MSRA: variants seen among roughly 807,000 people sequenced by gnomAD.
MSRA encodes methionine sulfoxide reductase A, also known as mitochondrial peptide methionine sulfoxide reductase.
MSRA carries 54 observed loss-of-function variants against 31.3 expected under a neutral mutation model. The observed-to-expected ratio is 1.73, with a 90% confidence interval of 1.39 to 2.17. MSRA has a LOEUF of 2.17. Among genes scored for constraint, MSRA ranks in the 30% most tolerant of loss-of-function variants. The probability of loss-of-function intolerance (pLI) is 0.00; values close to 1 mark genes in which losing one functional copy is unlikely to be tolerated. For missense variants in MSRA, 507 were observed against 300.9 expected (o/e 1.69, Z -5.07); for synonymous variants, 169 against 116.5 (o/e 1.45, Z -2.90).
At chr8:10,208,911 A>G (rs941583971) in intron 2 of MSRA, among the ~76,000 whole-genome samples, 1 of 152,236 alleles carries the variant, frequency 6.6e-6, no homozygotes, top group Non-Finnish European at 1.5e-5. Context: ...TAGCCTCAGA[A>G]CAACCTGGTC....
chr8:10,235,581 G>C (rs1811869556), intron 2 of MSRA, among the ~76,000 whole-genome samples: 1 of 152,008 alleles, frequency 6.6e-6, no homozygotes, highest in South Asian at 2.1e-4. Flanking sequence ...TGATAAAGAG[G>C]ATCAGTGAAA....
chr8:10,208,398 AT>A (rs1220960526), intron 2 of MSRA, among the ~76,000 whole-genome samples: 1 of 152,184 alleles, frequency 6.6e-6, no homozygotes, highest in Non-Finnish European at 1.5e-5. Context: ...CCTGAGTGAT[AT>A]ACTTAAAATG....
At chr8:10,128,419 C>T (rs567536235) in intron 1 of MSRA, among the ~76,000 whole-genome samples, 18 of 152,164 alleles carry the variant, frequency 1.2e-4, no homozygotes, top group Admixed American at 7.9e-4. Flanking sequence ...CAGTGATGAT[C>T]AGATGTGAAC....
At position 10,372,988 on chromosome 8, in the gene MSRA, C is replaced by T. The variant is rs572790437; in HGVS notation, c.543+52999C>T. ...AATTGCAACCTCCGCCTCTGAGGTT[C>T]AAGAGATTCTCCTGCCTCAGCCTCC... On this transcript the variant is annotated intron_variant, in intron 5 of 5. Transcript: ENST00000317173. 2.0e-5 allele frequency among the ~76,000 whole-genome samples: 3 copies of T among 152,328 alleles called. No individual in the cohort carries two copies. In the South Asian group the frequency reaches 6.2e-4, roughly 32 times the overall value.
At chr8:10,315,031 C>T (rs1801632966) in intron 4 of MSRA, among the ~76,000 whole-genome samples, 1 of 152,126 alleles carries the variant, frequency 6.6e-6, no homozygotes, top group African/African-American at 2.4e-5. Context: ...GAAGGAGGAG[C>T]AAAGGCACAT....
chr8:10,383,261 T>C (rs1170913783), intron 5 of MSRA, among the ~76,000 whole-genome samples: 2 of 152,134 alleles, frequency 1.3e-5, no homozygotes, highest in Admixed American at 6.5e-5. Context: ...TCACAGGTGG[T>C]GGCAGGAGAG....
At chr8:10,117,707 C>G (rs142989282) in intron 1 of MSRA, among the ~76,000 whole-genome samples, 5 of 152,246 alleles carry the variant, frequency 3.3e-5, no homozygotes, top group Non-Finnish European at 5.9e-5. Flanking sequence ...ATTTCAGGGT[C>G]TTTTTGATAG....
intron 3 of MSRA, among the ~76,000 whole-genome samples, chr8:10,270,118 A>G (rs1179151067): frequency 6.6e-6 from 1 of 152,258 alleles, no homozygotes; most frequent in Non-Finnish European, 1.5e-5. Flanking sequence ...TATGAACTGA[A>G]AAACTTGAGT....
intron 1 of MSRA, among the ~76,000 whole-genome samples, chr8:10,098,730 T>A (rs558722092): frequency 6.6e-6 from 1 of 152,332 alleles, no homozygotes; most frequent in Non-Finnish European, 1.5e-5. Flanking sequence ...ACTATTTTGG[T>A]TGTTACATTT....
chr8:10,064,978 G>C (rs1797388171), intron 1 of MSRA, among the ~76,000 whole-genome samples: 1 of 152,164 alleles, frequency 6.6e-6, no homozygotes, highest in Non-Finnish European at 1.5e-5. Context: ...AACCGCGTAA[G>C]AGTTTGCAGA....
intron 3 of MSRA, among the ~76,000 whole-genome samples, chr8:10,286,433 G>A (rs2009619): frequency 0.24 from 35,918 of 152,058 alleles, 4,321 homozygotes; most frequent in Middle Eastern, 0.29. Context: ...TGCTGCCGCC[G>A]CCATCCATGT....
intron 1 of MSRA, among the ~76,000 whole-genome samples, chr8:10,119,163 T>C (rs1183218835): frequency 6.6e-6 from 1 of 152,254 alleles, no homozygotes; most frequent in African/African-American, 2.4e-5. Context: ...AAGAACTCTC[T>C]AAACATGTGA....
chr8:10,416,328 C>A (rs1336630744), intron 5 of MSRA, among the ~76,000 whole-genome samples: 1 of 152,242 alleles, frequency 6.6e-6, no homozygotes, highest in African/African-American at 2.4e-5. Context: ...AATCTGCTCG[C>A]TTCGGCTGAA....
At chr8:10,142,429 C>T (rs1802796957) in intron 1 of MSRA, among the ~76,000 whole-genome samples, 1 of 152,190 alleles carries the variant, frequency 6.6e-6, no homozygotes, top group Admixed American at 6.5e-5. Flanking sequence ...GCTTCTAAAT[C>T]CGTGTTCTGT....
rs923465920 is a variant in MSRA at position 10,132,291 on chromosome 8, C to G, written c.143-75542C>G. Among the ~76,000 whole-genome samples the G allele has an allele frequency of 3.9e-5, 6 of 152,324 alleles. No individual in the cohort carries two copies. The East Asian group carries it at 1.2e-3, about 29-fold the overall frequency. ...TTAGCAATGTTAGATTCTTGCTCCA[C>G]TGCAGCTCTGCCTGGCCACTCTCTG... On this transcript the variant is annotated intron_variant, in intron 1 of 5. Coordinates refer to ENST00000317173, the MANE Select transcript of MSRA (RefSeq NM_012331.5).
chr8:10,289,958 T>C (rs1251456574), intron 3 of MSRA, among the ~76,000 whole-genome samples: 3 of 152,252 alleles, frequency 2.0e-5, no homozygotes, highest in Admixed American at 2.0e-4. Flanking sequence ...GTTCCCAAAG[T>C]GCTTTGTGCT....
chr8:10,236,915 G>C (rs894886052), intron 2 of MSRA, among the ~76,000 whole-genome samples: 5 of 152,166 alleles, frequency 3.3e-5, no homozygotes, highest in African/African-American at 1.2e-4. Flanking sequence ...AAGAAGACTT[G>C]AATAAGTGGA....
At chr8:10,188,715 T>C (rs1807261704) in intron 1 of MSRA, among the ~76,000 whole-genome samples, 1 of 152,220 alleles carries the variant, frequency 6.6e-6, no homozygotes, top group South Asian at 2.1e-4. Context: ...AAATCCTGTC[T>C]TCTCTATTCT....
At chr8:10,319,530 A>T (rs770604191) in intron 4 of MSRA, among the ~76,000 whole-genome samples, 41 of 152,022 alleles carry the variant, frequency 2.7e-4, no homozygotes, top group Non-Finnish European at 4.0e-4. Context: ...TTAGGACCCA[A>T]GGAAATAATA....
Sources: gnomAD v4.1 joint callset for allele counts (sites outside exome capture counted in the v4.1 genomes callset) on GRCh38, gnomAD v4.1.1 for gene constraint, MANE v1.5 for transcripts, NCBI Gene and HGNC (gene_info 2026-07-23, HGNC 2026-07-21) for gene names.